TDRD1: variants seen among roughly 807,000 people sequenced by gnomAD.
The protein encoded by TDRD1 is tudor domain-containing protein 1.
Under a neutral mutation model 140.6 loss-of-function variants are expected in TDRD1, and 37 were observed. The ratio of observed to expected loss-of-function variants is 0.26; its 90% confidence interval spans 0.20 to 0.35. TDRD1 has a LOEUF of 0.35. Among genes scored for constraint, TDRD1 ranks in the 10% least tolerant of loss-of-function variants. TDRD1 has a pLI of 1.00. For synonymous variants in TDRD1, 506 were observed against 475.7 expected (o/e 1.06, Z -0.83); for missense variants, 1,243 against 1,393.0 (o/e 0.89, Z 1.71).
chr10:114,226,004 A>G (rs1386516376), intron 21 of TDRD1, 45 bp from the exon 22 acceptor site: 2 of 1,523,382 alleles, frequency 1.3e-6, no homozygotes, highest in African/African-American at 2.7e-5. Context: ...AGTAGGAGGA[A>G]TCACTGACTG....
intron 3 of TDRD1, among the ~76,000 whole-genome samples, chr10:114,194,918 C>T (rs891321718): frequency 1.9e-4 from 28 of 145,320 alleles, no homozygotes; most frequent in Non-Finnish European, 4.1e-4. Flanking sequence ...TGCCACCACA[C>T]CTGGCTTTTT....
At chr10:114,206,190 A>G in intron 10 of TDRD1, 54 bp from the exon 11 acceptor site, 4 of 1,320,190 alleles carry the variant, frequency 3.0e-6, no homozygotes, top group East Asian at 4.7e-5. Flanking sequence ...CGCTTTTCCC[A>G]TAATTCTTTG....
At chr10:114,182,684 G>A (rs1382230784) in intron 1 of TDRD1, among the ~76,000 whole-genome samples, 1 of 145,970 alleles carries the variant, frequency 6.9e-6, no homozygotes, top group Non-Finnish European at 1.5e-5. Context: ...TTTATCATAC[G>A]AATATCTTTT....
In TDRD1 at chr10:114,187,856, G is replaced by A. The variant is rs1470655555; in HGVS notation, c.25G>A (p.Val9Met). 4 of 1,597,356 alleles carry A rather than the reference G, an allele frequency of 2.5e-6. No individual in the cohort carries two copies. In the South Asian group the frequency reaches 3.4e-5, roughly 14 times the overall value. ...GATGAGTGTTAAATCGCCATTTAAT[G>A]TGATGTCAAGAAATAATTTGGAAGC... The change falls in exon 2 of 26, where the codon GTG (valine) becomes ATG (methionine). Residue 9 changes from valine to methionine, a missense_variant. Coordinates refer to ENST00000251864, the Ensembl canonical transcript of TDRD1.
chr10:114,182,184 G>A (rs1038342619), intron 1 of TDRD1, among the ~76,000 whole-genome samples: 1 of 152,162 alleles, frequency 6.6e-6, no homozygotes, highest in Non-Finnish European at 1.5e-5. Flanking sequence ...CAGTATAAGA[G>A]TCTCAGATAT....
intron 1 of TDRD1, among the ~76,000 whole-genome samples, chr10:114,181,648 G>GT (rs1252744946): frequency 2.6e-5 from 4 of 152,196 alleles, no homozygotes; most frequent in African/African-American, 9.6e-5. Flanking sequence ...GAGGTTAGGA[G>GT]TTTGAGACCA....
chr10:114,181,833 G>A (rs151157522), intron 1 of TDRD1, among the ~76,000 whole-genome samples: 1 of 122,402 alleles, frequency 8.2e-6, no homozygotes, highest in Non-Finnish European at 1.7e-5. Context: ...GCGATGGAGC[G>A]AGACAACATC....
chr10:114,175,348 A>T (rs1222454787), upstream of TDRD1, among the ~76,000 whole-genome samples: 1 of 152,230 alleles, frequency 6.6e-6, no homozygotes, highest in Non-Finnish European at 1.5e-5. Context: ...GTATATAAAT[A>T]TATCTTTGTG....
chr10:114,177,114 C>A (rs1267574116), upstream of TDRD1, among the ~76,000 whole-genome samples: 2 of 152,046 alleles, frequency 1.3e-5, no homozygotes, highest in South Asian at 2.1e-4. Flanking sequence ...AAATAAATAT[C>A]CGAGTCCGTT....
intron 25 of TDRD1, among the ~76,000 whole-genome samples, chr10:114,230,999 G>A (rs763431350): frequency 2.0e-5 from 3 of 152,184 alleles, no homozygotes; most frequent in East Asian, 1.9e-4. Flanking sequence ...CCCAGGAGCC[G>A]AAGGTTGCAG....
chr10:114,212,626 AACTG>A (rs1470090777), intron 14 of TDRD1, among the ~76,000 whole-genome samples: 1 of 152,194 alleles, frequency 6.6e-6, no homozygotes, highest in African/African-American at 2.4e-5. Flanking sequence ...GCATTTCGTA[AACTG>A]ACTGAAGCAT....
intron 11 of TDRD1, among the ~76,000 whole-genome samples, chr10:114,210,302 A>G (rs1398282731): frequency 6.6e-6 from 1 of 152,204 alleles, no homozygotes; most frequent in Non-Finnish European, 1.5e-5. Context: ...TTTAGGGACT[A>G]TAAAGAGTGT....
chr10:114,220,942 A>T, intron 19 of TDRD1, 99 bp downstream of exon 19: 2 of 767,174 alleles, frequency 2.6e-6, no homozygotes, highest in Non-Finnish European at 4.3e-6. Context: ...TCCTGTAGAG[A>T]TATGCTTTAC....
rs368723728 is a variant in TDRD1, at chr10:114,222,662, A to G, written c.2966A>G (p.Tyr989Cys). The G allele has an allele frequency of 9.3e-6, 15 of 1,612,918 alleles. No homozygotes were observed. In the East Asian group the frequency reaches 1.8e-4, roughly 19 times the overall value. The change falls in exon 21 of 26, where the codon TAT becomes TGT. Residue 989 changes from tyrosine (Y) to cysteine (C), a missense_variant. Transcript: ENST00000251864. Reference sequence around the variant, plus strand: ...AATGCTCCGAAAAGTCGACCACCCTATAGACCAAGAATTGGAGACGCATGC... The same window carrying G: ...AATGCTCCGAAAAGTCGACCACCCTGTAGACCAAGAATTGGAGACGCATGC...
intron 9 of TDRD1, among the ~76,000 whole-genome samples, 196 bp downstream of exon 9, chr10:114,204,412 A>G (rs774393213): frequency 6.6e-6 from 1 of 152,204 alleles, no homozygotes; most frequent in Non-Finnish European, 1.5e-5. Flanking sequence ...TTTTAGGCAC[A>G]TGTTTTCAAT....
intron 11 of TDRD1, 31 bp downstream of exon 11, chr10:114,206,361 C>T (rs371669078): frequency 1.1e-5 from 18 of 1,566,132 alleles, no homozygotes; most frequent in South Asian, 2.2e-5. Context: ...AACGGTATAG[C>T]GACTTCAGTT....
chr10:114,227,053 T>C lies in TDRD1; in HGVS notation c.3176-19T>C. On this transcript the variant is annotated intron_variant, in intron 22 of 25. Transcript: ENST00000251864. ...CTTTTTAAAAGGGACTAAAAGACTA[T>C]AATATCTATTTTTTCCAGGATTAAT... The C allele has an allele frequency of 7.8e-7, 1 of 1,277,718 alleles. No homozygotes were observed. The highest frequency in any genetic ancestry group is 2.1e-4 in the Middle Eastern group (1 of 4,708). 79.1% of individuals were successfully genotyped at this position (1,277,718 alleles called of 1,614,324 possible).
intron 1 of TDRD1, chr10:114,180,110 A>C (rs1377802881): frequency 1.3e-5 from 2 of 152,208 alleles, no homozygotes; most frequent in Non-Finnish European, 2.9e-5. Flanking sequence ...AAAATACTTT[A>C]GTCCTCAAAT....
chr10:114,224,326 T>C (rs1175766501), intron 21 of TDRD1, among the ~76,000 whole-genome samples: 1 of 152,220 alleles, frequency 6.6e-6, no homozygotes, highest in Non-Finnish European at 1.5e-5. Flanking sequence ...TGTATGTTTT[T>C]TCCGCCTTTC....
Sources: allele counts gnomAD v4.1 joint callset (sites outside exome capture counted in the v4.1 genomes callset), GRCh38; gene constraint gnomAD v4.1.1; transcripts MANE v1.5; gene names NCBI Gene and HGNC (gene_info 2026-07-23, HGNC 2026-07-21).